Variants in COL6A6 observed in about 807,000 individuals in gnomAD.
The protein encoded by COL6A6 is collagen type VI alpha 6 chain, also known as collagen alpha-6(VI) chain.
A neutral mutation model predicts 208.6 loss-of-function variants in COL6A6; 183 were observed. The observed-to-expected ratio is 0.88, with a 90% CI of 0.78 to 0.99. The LOEUF (loss-of-function observed/expected upper bound fraction) is 0.99, where lower values mean the gene tolerates loss of function less well. COL6A6 is among the 50% of genes least tolerant of loss of function. The probability of loss-of-function intolerance (pLI) is 0.00; values close to 1 mark genes in which losing one functional copy is unlikely to be tolerated. For synonymous variants in COL6A6, 973 were observed against 1,011.8 expected (o/e 0.96, Z 0.73); for missense variants, 2,816 against 2,815.2 (o/e 1.00, Z -0.01).
intron 35 of COL6A6, among the ~76,000 whole-genome samples, chr3:130,663,734 C>A (rs2065996810): frequency 6.6e-6 from 1 of 152,042 alleles, no homozygotes; most frequent in Non-Finnish European, 1.5e-5. Flanking sequence ...CACCCCTCAA[C>A]TGAGGAAAGG....
intron 20 of COL6A6, among the ~76,000 whole-genome samples, chr3:130,606,258 A>C (rs2064179763): frequency 6.6e-6 from 1 of 152,216 alleles, no homozygotes; most frequent in Admixed American, 6.5e-5. Flanking sequence ...GGTGTATGAA[A>C]TATTGATCTA....
rs920964979 is a variant in COL6A6, at chr3:130,628,877, T to G, written c.4992+1508T>G. ...AAAACTAACAACCAGAAAGGACATC[T>G]ACACCGAAAACCCATCTGTACATCA... On this transcript the variant is annotated intron_variant, in intron 26 of 36. Coordinates refer to ENST00000358511, the MANE Select transcript of COL6A6 (RefSeq NM_001102608.3). Among the ~76,000 whole-genome samples the G allele has an allele frequency of 1.2e-4, 13 of 112,740 alleles. 3 individuals carry two copies. Among genetic ancestry groups the G allele is most frequent in the African/African-American group, 6.9e-4 (13 of 18,812 alleles). 74.0% of individuals were successfully genotyped at this position (112,740 alleles called of 152,430 possible).
intron 21 of COL6A6, 49 bp from the exon 22 acceptor site, chr3:130,608,853 C>CAA: frequency 8.1e-7 from 1 of 1,240,888 alleles, no homozygotes; most frequent in Non-Finnish European, 1.1e-6. Flanking sequence ...GTAAAGGAGA[C>CAA]AAAATGTTCA....
rs746495709 is a variant in COL6A6, at chr3:130,565,231, C to T, written c.899C>T (p.Ser300Phe). The T allele has an allele frequency of 9.9e-6, 16 of 1,613,926 alleles. 1 individual carries two copies. The highest frequency in any genetic ancestry group is 1.6e-4 in the Middle Eastern group (1 of 6,084). ...GTTCTCCAGCATATACAGAACCTTTCTCCCCGAACTGGGAAGGCCTATACT... is the reference window on the plus strand; with the variant it reads ...GTTCTCCAGCATATACAGAACCTTTTTCCCCGAACTGGGAAGGCCTATACT... The part of the protein sequence containing the change: ...SEVLQHIQNL[S>F]PRTGKAYTGA... Residue 300 changes from serine (S) to phenylalanine (F), a missense_variant, in exon 4 of 37, where the codon TCT (serine) becomes TTT (phenylalanine). Coordinates refer to ENST00000358511, the MANE Select transcript of COL6A6 (RefSeq NM_001102608.3).
intron 24 of COL6A6, among the ~76,000 whole-genome samples, chr3:130,622,538 G>A (rs1246560228): frequency 6.6e-6 from 1 of 152,048 alleles, no homozygotes; most frequent in Non-Finnish European, 1.5e-5. Flanking sequence ...AGTATTTCTG[G>A]GATGCAAAAA....
At chr3:130,545,809 G>A (rs111545225) in intron 1 of COL6A6, among the ~76,000 whole-genome samples, 6,617 of 152,194 alleles carry the variant, frequency 0.043, 337 homozygotes, top group African/African-American at 0.12. Flanking sequence ...TTATGCGTTG[G>A]TGTACTTTTT....
At chr3:130,627,449 A>T in intron 26 of COL6A6, 80 bp downstream of exon 26, 4 of 1,193,168 alleles carry the variant, frequency 3.4e-6, no homozygotes, top group Non-Finnish European at 5.0e-6. Flanking sequence ...TAAGAGAAAA[A>T]GGGAAGCAGG....
At chr3:130,631,362 C>T (rs2065003796) in intron 26 of COL6A6, among the ~76,000 whole-genome samples, 1 of 91,626 alleles carries the variant, frequency 1.1e-5, no homozygotes, top group Non-Finnish European at 1.8e-5. Context: ...GAAGTTGAAT[C>T]TCTGAATCGA....
In COL6A6 at chr3:130,634,202, TA is replaced by T. The variant is rs1177021616; in HGVS notation, c.4993-377del. ...AAATAAATCTCAAGCTATAAAATGTTAAAAAAAAAAATAAATAAATAAATAA... is the reference window on the plus strand; with the variant it reads ...AAATAAATCTCAAGCTATAAAATGTTAAAAAAAAAATAAATAAATAAATAA... On this transcript the variant is annotated intron_variant, in intron 26 of 36. Coordinates refer to ENST00000358511, the MANE Select transcript of COL6A6 (RefSeq NM_001102608.3). 7.8e-3 allele frequency among the ~76,000 whole-genome samples: 283 copies of T among 36,362 alleles called. 27 individuals carry two copies. Among genetic ancestry groups the T allele is most frequent in the Admixed American group, 0.01 (19 of 1,812 alleles). 23.9% of individuals were successfully genotyped at this position (36,362 alleles called of 152,430 possible).
intron 1 of COL6A6, among the ~76,000 whole-genome samples, chr3:130,531,067 C>CACACACAG (rs1241684780): frequency 8.8e-5 from 12 of 135,942 alleles, no homozygotes; most frequent in African/African-American, 4.0e-4. Flanking sequence ...CACAGTCTCT[C>CACACACAG]TCTCTCTCTC....
intron 6 of COL6A6, among the ~76,000 whole-genome samples, chr3:130,569,652 G>A (rs549576780): frequency 2.0e-5 from 3 of 152,240 alleles, no homozygotes; most frequent in East Asian, 3.9e-4. Context: ...TGGTAACTTC[G>A]CCCAGAACAA....
intron 26 of COL6A6, among the ~76,000 whole-genome samples, chr3:130,628,939 G>A (rs2064976943): frequency 2.2e-5 from 2 of 92,500 alleles, no homozygotes; most frequent in African/African-American, 1.5e-4. Context: ...AAACCACAAA[G>A]ATGGGGAAAA....
At chr3:130,646,847 G>T (rs1247371700) in intron 32 of COL6A6, among the ~76,000 whole-genome samples, 1 of 152,200 alleles carries the variant, frequency 6.6e-6, no homozygotes, top group African/African-American at 2.4e-5. Flanking sequence ...TGTAGGGGAG[G>T]AGCATGATCT....
At chr3:130,536,791 T>G (rs752931916) in intron 1 of COL6A6, among the ~76,000 whole-genome samples, 62 of 152,092 alleles carry the variant, frequency 4.1e-4, no homozygotes, top group Non-Finnish European at 6.2e-4. Flanking sequence ...GGGTTTTGAG[T>G]AGATGTGAAA....
Position 130,610,543 on chromosome 3 carries a change from C to G in COL6A6, c.4753-106C>G, listed in dbSNP as rs371312043. The G allele has an allele frequency of 1.6e-5, 13 of 835,044 alleles. No individual in the cohort carries two copies. In the East Asian group the frequency reaches 2.2e-4, roughly 14 times the overall value. 51.7% of individuals were successfully genotyped at this position (835,044 alleles called of 1,614,324 possible). Reference sequence around the variant, plus strand: ...AAGGCATGATTGGAGCTCTCTTTCCCATTTCTGTCCATGTTACTGACTTAG... The same window carrying G: ...AAGGCATGATTGGAGCTCTCTTTCCGATTTCTGTCCATGTTACTGACTTAG... On this transcript the variant is annotated intron_variant, in intron 22 of 36. Transcript: ENST00000358511.
At chr3:130,585,271 A>C (rs964771810) in intron 10 of COL6A6, among the ~76,000 whole-genome samples, 1 of 152,306 alleles carries the variant, frequency 6.6e-6, no homozygotes, top group South Asian at 2.1e-4. Flanking sequence ...TATTGTCAGA[A>C]TATCCTTTGA....
intron 8 of COL6A6, among the ~76,000 whole-genome samples, chr3:130,580,696 T>A (rs1372360471): frequency 6.6e-6 from 1 of 152,188 alleles, no homozygotes; most frequent in African/African-American, 2.4e-5. Flanking sequence ...AGTGTATGAG[T>A]CACATGACTT....
chr3:130,605,605 C>T (rs572838218), intron 20 of COL6A6, among the ~76,000 whole-genome samples: 1 of 152,246 alleles, frequency 6.6e-6, no homozygotes, highest in African/African-American at 2.4e-5. Context: ...AGGGTTTCAT[C>T]TCATGATGAT....
intron 10 of COL6A6, among the ~76,000 whole-genome samples, chr3:130,585,072 G>A (rs2063507305): frequency 6.6e-6 from 1 of 152,032 alleles, no homozygotes; most frequent in South Asian, 2.1e-4. Context: ...AGGTGTTCTT[G>A]ACTCTCAGCC....
Sources: gnomAD v4.1 joint callset for allele counts (sites outside exome capture counted in the v4.1 genomes callset) on GRCh38, gnomAD v4.1.1 for gene constraint, MANE v1.5 for transcripts, NCBI Gene and HGNC (gene_info 2026-07-23, HGNC 2026-07-21) for gene names.